Variants in AATK observed in about 807,000 individuals in gnomAD.
AATK encodes lemur tail kinase 1, also known as serine/threonine-protein kinase LMTK1.
In AATK, 91 loss-of-function variants were observed where a neutral mutation model predicts 114.3. That is an observed-to-expected ratio of 0.80 (90% CI 0.67 to 0.95). AATK has a LOEUF of 0.95. Among genes scored for constraint, AATK ranks in the 40% least tolerant of loss-of-function variants. The pLI is 0.00. For missense variants in AATK, 2,176 were observed against 1,965.2 expected, an observed-to-expected ratio of 1.11 and a Z score of -2.03; for synonymous variants, 1,075 against 916.5, an observed-to-expected ratio of 1.17 and a Z score of -3.12.
At chr17:81,157,538 T>C (rs2061381540) in intron 1 of AATK, among the ~76,000 whole-genome samples, 1 of 152,116 alleles carries the variant, frequency 6.6e-6, no homozygotes, top group Non-Finnish European at 1.5e-5. Context: ...CCGCCTCTCC[T>C]GCCCCTCGAC....
chr17:81,138,542 G>GCGCGCACACA (rs1567817961), intron 1 of AATK, among the ~76,000 whole-genome samples: 104 of 123,794 alleles, frequency 8.4e-4, no homozygotes, highest in African/African-American at 3.4e-3. Flanking sequence ...ATACACGTTC[G>GCGCGCACACA]CGTGCACACA....
intron 13 of AATK, among the ~76,000 whole-genome samples, 178 bp downstream of exon 13, chr17:81,119,201 GA>G (rs1568215687): frequency 5.8e-4 from 80 of 138,130 alleles, no homozygotes; most frequent in African/African-American, 1.6e-3. Flanking sequence ...AGGGCCAGGC[GA>G]GGGCCAGGCG....
chr17:81,141,279 G>T (rs983471299), intron 1 of AATK, among the ~76,000 whole-genome samples: 1 of 152,108 alleles, frequency 6.6e-6, no homozygotes, highest in Non-Finnish European at 1.5e-5. Context: ...GTGAAATCCC[G>T]TCTCTACTAA....
In AATK at chr17:81,126,926, G is replaced by T. The variant is rs559355977; in HGVS notation, c.622-366C>A. 1 of 966,518 alleles carries T rather than the reference G, an allele frequency of 1.0e-6. No homozygotes were observed. The highest frequency in any genetic ancestry group is 1.3e-6 in the Non-Finnish European group (1 of 776,446). 59.9% of individuals were successfully genotyped at this position (966,518 alleles called of 1,614,324 possible). A position where few individuals can be genotyped will look rare whatever the true frequency, so the allele number is the denominator to read the frequency against. The stretch of plus-strand genomic sequence containing the variant: ...CCTGACCTGCCGAAAGCCCAGCCCC[G>T]GGACGGTCAACGTCAGGAGTCCAGA... On this transcript the variant is annotated intron_variant, in intron 6 of 13. Coordinates refer to ENST00000326724, the MANE Select transcript of AATK (RefSeq NM_001080395.3). The surrounding 1 kb of genome is among the most constrained non-coding windows in gnomAD (Gnocchi z 5.1).
In AATK at chr17:81,120,187, T is replaced by C; in HGVS notation, c.3735+14A>G. On this transcript the variant is annotated intron_variant, in intron 11 of 13. Transcript: ENST00000326724. ...CCCCCAGCCCCGGGCAGACCCCGGG[T>C]GGCGGCGGCCCACCTGGTCAAAGAG... is the stretch of plus-strand genomic sequence containing the variant. 2 of 1,551,932 alleles carry C rather than the reference T, an allele frequency of 1.3e-6. No homozygotes were observed. The highest frequency in any genetic ancestry group is 1.7e-6 in the Non-Finnish European group (2 of 1,143,386).
rs1221918712 is a variant in AATK, at chr17:81,120,389, G to A, written c.3547C>T (p.Pro1183Ser). ...EELRCYSVQE[P>S]SEDSEEEAPA... ...GCCTCCTCTTCGCTGTCCTCGCTAGGCTCCTGGACGCTGTAGCAGCGGAGC... is the reference window on the plus strand; with the variant it reads ...GCCTCCTCTTCGCTGTCCTCGCTAGACTCCTGGACGCTGTAGCAGCGGAGC... Residue 1183 changes from proline (P) to serine (S), a missense_variant, in exon 11 of 14, where the codon CCT becomes TCT. Pro to Ser is a moderately conservative substitution (Grantham distance 74, BLOSUM62 -1). Coordinates refer to ENST00000326724, the MANE Select transcript of AATK (RefSeq NM_001080395.3). 1 of 1,604,682 alleles carries A rather than the reference G, an allele frequency of 6.2e-7. No individual in the cohort carries two copies. The highest frequency in any genetic ancestry group is 8.5e-7 in the Non-Finnish European group (1 of 1,175,736).
Position 81,134,459 on chromosome 17 carries a change from G to A in AATK, c.98C>T (p.Ala33Val), listed in dbSNP as rs1427089815. 1.2e-6 allele frequency: 2 copies of A among 1,613,136 alleles called. No homozygotes were observed. The highest frequency in any genetic ancestry group is 1.1e-5 in the South Asian group (1 of 91,052). The change falls in exon 2 of 14, where the codon GCC becomes GTC. Residue 33 changes from alanine to valine, a missense_variant. Physicochemically the swap from Ala to Val is moderately conservative, Grantham distance 64. Coordinates refer to ENST00000326724, the MANE Select transcript of AATK (RefSeq NM_001080395.3). ...CCCGGAGAAAGACACAGCCACCACG[G>A]CGAGGGAGGATGGCCAGGACAGCTC... ...LSELSWPSSL[A>V]VVAVSFSGLF...
At chr17:81,160,303 A>C in intron 1 of AATK, 1 of 976,642 alleles carries the variant, frequency 1.0e-6, no homozygotes, top group Non-Finnish European at 1.2e-6. Context: ...CCCCGGGAGG[A>C]CCCCAGCCCG....
At chr17:81,119,184 T>TC (rs1568215621) in intron 13 of AATK, among the ~76,000 whole-genome samples, 196 bp downstream of exon 13, 879 of 51,994 alleles carry the variant, frequency 0.017, 3 homozygotes, top group Middle Eastern at 0.048. Flanking sequence ...CAGGTGAGGG[T>TC]CAGGTGAGGG....
intron 2 of AATK, chr17:81,133,130 G>A (rs575531289): frequency 4.5e-6 from 2 of 440,710 alleles, no homozygotes; most frequent in East Asian, 1.4e-4. Flanking sequence ...GGGCAGGAGT[G>A]CAGACCCCAC....
chr17:81,138,528 GCA>G (rs1489278441), intron 1 of AATK, among the ~76,000 whole-genome samples: 2 of 138,748 alleles, frequency 1.4e-5, no homozygotes, highest in Non-Finnish European at 3.1e-5. Context: ...CCACACACGT[GCA>G]CATACACGTT....
chr17:81,128,633 G>A (rs950862263), intron 3 of AATK, 84 bp from the exon 4 acceptor site: 58 of 1,534,662 alleles, frequency 3.8e-5, no homozygotes, highest in East Asian at 1.7e-4. Flanking sequence ...GGGGCTGCCC[G>A]CTTGGCCTTT....
intron 1 of AATK, among the ~76,000 whole-genome samples, chr17:81,140,965 CGTGGGGCCGTGGGGACTGTGAACT>C (rs2061128019): frequency 2.2e-5 from 3 of 139,402 alleles, no homozygotes; most frequent in African/African-American, 2.8e-5. Flanking sequence ...GACCGTGAGC[CGTGGGGCCGTGGGGACTGTGAACT>C]GTGGGGCCGT....
At chr17:81,137,728 G>A (rs12937501) in intron 1 of AATK, among the ~76,000 whole-genome samples, 83,366 of 151,706 alleles carry the variant, frequency 0.55, 24,071 homozygotes, top group East Asian at 0.87. Flanking sequence ...TCATGACAAC[G>A]CGAAACATAC....
chr17:81,122,640 C>A lies in AATK; in HGVS notation c.1296G>T (p.Gly432=). Residue 432 remains glycine (G), a synonymous_variant, in exon 11 of 14, where the codon GGG becomes GGT. Coordinates refer to ENST00000326724, the MANE Select transcript of AATK (RefSeq NM_001080395.3). ...GGVGPGPGAA[G]PMLGGVVELA... is the part of the protein sequence containing the mutation. ...GCTCCACCACGCCGCCCAGCATGGG[C>A]CCCGCCGCACCGGGCCCGGGCCCCA... is the stretch of plus-strand genomic sequence containing the variant. The A allele has an allele frequency of 7.0e-7, 1 of 1,434,856 alleles. No homozygotes were observed. Among genetic ancestry groups the A allele is most frequent in the Non-Finnish European group, 9.2e-7 (1 of 1,090,234 alleles). The allele number at this position is 1,434,856 out of a possible 1,614,324, so 88.9% of individuals were successfully genotyped here. A position where few individuals can be genotyped will look rare whatever the true frequency, so the allele number is the denominator to read the frequency against.
chr17:81,117,557 AGCCCCCCAACACTGACTGCGGGGCAT>A lies in AATK; in HGVS notation c.*819_*844del, dbSNP rs1568212944. ...CACCATCCCTCTCCCTGTAGGTAGG[AGCCCCCCAACACTGACTGCGGGGCAT>A]GGCCCCCACTCTCCTTTGGCAGCTG... On this transcript the variant is annotated 3_prime_UTR_variant, in exon 14 of 14. Transcript: ENST00000326724. 6.6e-6 allele frequency: 1 copy of A among 152,230 alleles called. No homozygotes were observed. The highest frequency in any genetic ancestry group is 1.9e-4 in the East Asian group (1 of 5,178). 9.4% of individuals were successfully genotyped at this position (152,230 alleles called of 1,614,324 possible). A position where few individuals can be genotyped will look rare whatever the true frequency, so the allele number is the denominator to read the frequency against.
At chr17:81,165,582 C>T (rs1319780030) in intron 1 of AATK, 1 of 1,306,824 alleles carries the variant, frequency 7.7e-7, no homozygotes, top group South Asian at 1.3e-5. Flanking sequence ...AAGCCTGAAC[C>T]CCAGCTGGCT....
At position 81,121,052 on chromosome 17, in the gene AATK, C is replaced by A; in HGVS notation, c.2884G>T (p.Ala962Ser). The change falls in exon 11 of 14, where the codon GCC (alanine) becomes TCC (serine). Residue 962 changes from alanine to serine, a missense_variant. By Grantham distance (99) the Ala-to-Ser change is moderately conservative. Around this residue, in one of 4 missense-constraint regions of AATK, gnomAD observed 1,701 missense variants for 1,394.7 expected, o/e 1.22. Transcript: ENST00000326724. ...KEAQEGCEPQAFAELASEGEG... is the reference protein window; with the variant it reads ...KEAQEGCEPQSFAELASEGEG... ...CCCTCTGAGGCCAGCTCCGCAAAGGCCTGGGGCTCACACCCTTCCTGCGCC... is the reference window on the plus strand; with the variant it reads ...CCCTCTGAGGCCAGCTCCGCAAAGGACTGGGGCTCACACCCTTCCTGCGCC... 6.2e-7 allele frequency: 1 copy of A among 1,609,200 alleles called. No homozygotes were observed. The highest frequency in any genetic ancestry group is 8.5e-7 in the Non-Finnish European group (1 of 1,178,426).
Position 81,165,985 on chromosome 17 carries a change from G to A in AATK, c.8C>T (p.Ser3Leu). 1 of 1,582,142 alleles carries A rather than the reference G, an allele frequency of 6.3e-7. No homozygotes were observed. The highest frequency in any genetic ancestry group is 8.6e-7 in the Non-Finnish European group (1 of 1,166,172). ...GGCGAAGCTGGGGTTGAAGAAGGAC[G>A]ACGACATGGCCGGGCCAGCGGCCGG... The part of the protein sequence containing the change: MS[S>L]SFFNPSFAFS... The change falls in exon 1 of 14, where the codon TCG becomes TTG. Residue 3 changes from serine (S) to leucine (L), a missense_variant. Physicochemically the swap from Ser to Leu is moderately radical, Grantham distance 145. Transcript: ENST00000326724.
Sources: gnomAD v4.1 joint callset for allele counts (sites outside exome capture counted in the v4.1 genomes callset) on GRCh38, gnomAD v4.1.1 for gene constraint, gnomAD v4.1.1 regional missense constraint, Gnocchi (gnomAD v3.1) non-coding constraint, MANE v1.5 for transcripts, NCBI Gene and HGNC (gene_info 2026-07-23, HGNC 2026-07-21) for gene names.